The following PIGZ variants were observed in gnomAD, a reference collection of about 807,000 sequenced individuals.
The protein encoded by PIGZ is GPI alpha-1,2-mannosyltransferase 4.
In PIGZ, 16 loss-of-function variants were observed where a neutral mutation model predicts 16.4. That is an observed-to-expected ratio of 0.97 (90% CI 0.66 to 1.48). PIGZ has a LOEUF of 1.48. Ranked by LOEUF, PIGZ falls within the 40% of genes most tolerant of loss-of-function variation. PIGZ has a pLI of 0.00. For synonymous variants in PIGZ, 409 were observed against 338.4 expected (o/e 1.21, Z -2.29); for missense variants, 770 against 739.2 (o/e 1.04, Z -0.48).
chr3:196,955,640 G>T (rs1251161276), intron 1 of PIGZ, among the ~76,000 whole-genome samples: 2 of 137,522 alleles, frequency 1.5e-5, no homozygotes, highest in Admixed American at 1.6e-4. Context: ...GCAGTGGCAT[G>T]ATCTTGGCTC....
In PIGZ at chr3:196,948,593, A is replaced by T. The variant is rs1717053084; in HGVS notation, c.304T>A (p.Ser102Thr). 6.3e-7 allele frequency: 1 copy of T among 1,577,028 alleles called. No individual in the cohort carries two copies. The part of the protein sequence containing the change: ...SVLFPLLISG[S>T]TFWLLRLWEE... ...CAGAGCCTGAGCAGCCAGAAGGTGG[A>T]ACCAGAGATCAGCAGGGGGAAGAGC... Residue 102 changes from serine (S) to threonine (T), a missense_variant, in exon 3 of 3, where the codon TCC (serine) becomes ACC (threonine). Ser to Thr is a moderately conservative substitution (Grantham distance 58, BLOSUM62 1). Transcript: ENST00000412723.
chr3:196,948,412 A>C lies in PIGZ; in HGVS notation c.485T>G (p.Leu162Arg), dbSNP rs538677510. ...GACCAGGGTGACGTAGGAACCAGAC[A>C]GCAGGGCCAGGGCGTTCCAGCGATC... The part of the protein sequence containing the change: ...GADRWNALAL[L>R]SGSYVTLVFY... Residue 162 changes from leucine (L) to arginine (R), a missense_variant, in exon 3 of 3, where the codon CTG becomes CGG. Transcript: ENST00000412723. 1 of 1,614,118 alleles carries C rather than the reference A, an allele frequency of 6.2e-7. No individual in the cohort carries two copies. The highest frequency in any genetic ancestry group is 1.1e-5 in the South Asian group (1 of 91,082).
chr3:196,947,316 G>C lies in PIGZ; in HGVS notation c.1581C>G (p.Thr527=). The stretch of plus-strand genomic sequence containing the variant: ...AGCTGCACTTCTCCACGGCACGCCT[G>C]GTGGTGCCAGGGGTTACCACAAAGA... ...CRLFVVTPGT[T]RRAVEKCSFP... The change falls in exon 3 of 3, where the codon ACC becomes ACG. Residue 527 remains threonine, a synonymous_variant. Coordinates refer to ENST00000412723, the MANE Select transcript of PIGZ (RefSeq NM_025163.4). 1 of 1,614,182 alleles carries C rather than the reference G, an allele frequency of 6.2e-7. No homozygotes were observed.
intron 1 of PIGZ, among the ~76,000 whole-genome samples, chr3:196,960,698 A>G (rs1164706306): frequency 2.1e-5 from 3 of 141,598 alleles, no homozygotes; most frequent in African/African-American, 7.7e-5. Context: ...GAAAGAAAGA[A>G]AGAAGAAAGG....
chr3:196,964,440 CT>C (rs1397442369), intron 1 of PIGZ, among the ~76,000 whole-genome samples: 5 of 151,890 alleles, frequency 3.3e-5, no homozygotes, highest in African/African-American at 9.7e-5. Context: ...TCACTGCAAC[CT>C]TTGTCTCCCA....
chr3:196,962,654 CTTTACTGCACGGCAATACTG>C (rs1274055399), intron 1 of PIGZ, among the ~76,000 whole-genome samples: 1 of 117,524 alleles, frequency 8.5e-6, no homozygotes. Flanking sequence ...CAATACTGAT[CTTTACTGCACGGCAATACTG>C]ATCTTTACTG....
intron 1 of PIGZ, among the ~76,000 whole-genome samples, chr3:196,955,157 T>C (rs557247): frequency 0.8 from 122,514 of 152,250 alleles, 50,209 homozygotes; most frequent in African/African-American, 0.95. Flanking sequence ...ACCTCCTGCG[T>C]TCAAGCAATC....
At chr3:196,962,203 G>A (rs1717748228) in intron 1 of PIGZ, among the ~76,000 whole-genome samples, 1 of 152,212 alleles carries the variant, frequency 6.6e-6, no homozygotes, top group Non-Finnish European at 1.5e-5. Flanking sequence ...AACATGCGCT[G>A]TATTGACTCA....
chr3:196,947,298 C>G lies in PIGZ; in HGVS notation c.1599G>C (p.Lys533Asn), dbSNP rs373904534. The change falls in exon 3 of 3, where the codon AAG becomes AAC. Residue 533 changes from lysine to asparagine, a missense_variant. Lys to Asn is a moderately conservative substitution (Grantham distance 94, BLOSUM62 0). Coordinates refer to ENST00000412723, the MANE Select transcript of PIGZ (RefSeq NM_025163.4). ...TTTCATTCTTGAAGGGGAAGCTGCA[C>G]TTCTCCACGGCACGCCTGGTGGTGC... ...TPGTTRRAVE[K>N]CSFPFKNETL... The G allele has an allele frequency of 1.8e-5, 29 of 1,614,068 alleles. No individual in the cohort carries two copies. The highest frequency in any genetic ancestry group is 2.4e-5 in the Non-Finnish European group (28 of 1,180,028).
chr3:196,959,329 A>G (rs1717619451), intron 1 of PIGZ, among the ~76,000 whole-genome samples: 1 of 152,222 alleles, frequency 6.6e-6, no homozygotes, highest in South Asian at 2.1e-4. Context: ...ATGTCTGACC[A>G]TTCAGTGAGT....
At chr3:196,955,552 CCTTTT>C (rs199963646) in intron 1 of PIGZ, among the ~76,000 whole-genome samples, 3,452 of 88,438 alleles carry the variant, frequency 0.039, 189 homozygotes, top group African/African-American at 0.14. Context: ...CATTTTCCAG[CCTTTT>C]CTTTTCTTTT....
At position 196,948,313 on chromosome 3, in the gene PIGZ, TG is replaced by T; in HGVS notation, c.583del (p.His195MetfsTer2). The T allele has an allele frequency of 6.2e-7, 1 of 1,614,008 alleles. No homozygotes were observed. Among genetic ancestry groups the T allele is most frequent in the South Asian group, 1.1e-5 (1 of 91,076 alleles). On this transcript the variant is annotated frameshift_variant, in exon 3 of 3. Transcript: ENST00000412723. LOFTEE classifies it low-confidence loss of function (END_TRUNC). ...CTTGCGTGTAGGGCCCCACGTTACA[TG>T]GGAGGATACCAGCACCAGCAGCCAC... ...FTWLLVLVSS[H>X]VTWGPTRKEP...
Position 196,948,473 on chromosome 3 carries a change from C to A in PIGZ, c.424G>T (p.Gly142Trp), listed in dbSNP as rs767943913. ...GGCGGGGCCAGGTGGTACACGGCCC[C>A]GTCCAGAGCAAAGGAAAGGGCAGTG... ...LLTALSFALD[G>W]AVYHLAPPMG... The change falls in exon 3 of 3, where the codon GGG becomes TGG. Residue 142 changes from glycine to tryptophan, a missense_variant. Gly to Trp is a radical substitution (Grantham distance 184). Coordinates refer to ENST00000412723, the MANE Select transcript of PIGZ (RefSeq NM_025163.4). 107 of 1,613,674 alleles carry A rather than the reference C, an allele frequency of 6.6e-5. No homozygotes were observed. Among genetic ancestry groups the A allele is most frequent in the Non-Finnish European group, 8.8e-5 (104 of 1,179,910 alleles).
chr3:196,947,955 C>T lies in PIGZ; in HGVS notation c.942G>A (p.Arg314=). The change falls in exon 3 of 3, where the codon CGG becomes CGA. Residue 314 remains arginine (R), a synonymous_variant. Coordinates refer to ENST00000412723, the MANE Select transcript of PIGZ (RefSeq NM_025163.4). ...QNLARHGTHA[R]LTHLAVNGFL... ...AGCCGTTGACTGCCAGGTGAGTGAG[C>T]CGCGCGTGCGTGCCATGTCTCGCCA... 1.2e-6 allele frequency: 2 copies of T among 1,612,242 alleles called. No homozygotes were observed. Among genetic ancestry groups the T allele is most frequent in the Non-Finnish European group, 1.7e-6 (2 of 1,179,012 alleles).
At chr3:196,967,503 C>T (rs1383587477) in intron 1 of PIGZ, among the ~76,000 whole-genome samples, 1 of 152,176 alleles carries the variant, frequency 6.6e-6, no homozygotes, top group East Asian at 1.9e-4. Context: ...CGGGAAAAGC[C>T]GGGCCCCTGT....
At chr3:196,957,962 A>C (rs1291511667) in intron 1 of PIGZ, among the ~76,000 whole-genome samples, 1 of 152,224 alleles carries the variant, frequency 6.6e-6, no homozygotes, top group Non-Finnish European at 1.5e-5. Context: ...AATGGCATGC[A>C]ATATAGAGGC....
Position 196,951,961 on chromosome 3 carries a change from C to T in PIGZ, c.71G>A (p.Cys24Tyr). Reference sequence around the variant, plus strand: ...CATCTTCAGATCCAGTTGTTGCCAACACACCGGGCCCAAAACCTGGAATGA... The same window carrying T: ...CATCTTCAGATCCAGTTGTTGCCAATACACCGGGCCCAAAACCTGGAATGA... ...GTSFQVLGPVCWQQLDLKMAV... is the reference protein window; with the variant it reads ...GTSFQVLGPVYWQQLDLKMAV... The change falls in exon 2 of 3, where the codon TGT becomes TAT. Residue 24 changes from cysteine to tyrosine, a missense_variant. Physicochemically the swap from Cys to Tyr is radical, Grantham distance 194 (BLOSUM62 -2). Coordinates refer to ENST00000412723, the MANE Select transcript of PIGZ (RefSeq NM_025163.4). 1.2e-6 allele frequency: 2 copies of T among 1,614,224 alleles called. No homozygotes were observed. Among genetic ancestry groups the T allele is most frequent in the South Asian group, 1.1e-5 (1 of 91,078 alleles).
chr3:196,951,821 C>T lies in PIGZ; in HGVS notation c.211G>A (p.Glu71Lys). The T allele has an allele frequency of 6.2e-7, 1 of 1,614,108 alleles. No homozygotes were observed. ...EFFQSPEVMA[E>K]DILGVQAARP... ...CTCAGCCACACATGCGGAGTTTTAC[C>T]TGCCATCACCTCAGGGGACTGGAAG... Residue 71 changes from glutamate to lysine, a missense_variant and splice_region_variant, in exon 2 of 3, where the codon GAG becomes AAG. Coordinates refer to ENST00000412723, the MANE Select transcript of PIGZ (RefSeq NM_025163.4).
chr3:196,967,706 C>G (rs1266498327), intron 1 of PIGZ, among the ~76,000 whole-genome samples: 1 of 152,188 alleles, frequency 6.6e-6, no homozygotes, highest in Non-Finnish European at 1.5e-5. Flanking sequence ...CACCTTGAAG[C>G]ACGGGAAGAT....
Sources: gnomAD v4.1 joint callset for allele counts (sites outside exome capture counted in the v4.1 genomes callset) on GRCh38, gnomAD v4.1.1 for gene constraint, MANE v1.5 for transcripts, NCBI Gene and HGNC (gene_info 2026-07-23, HGNC 2026-07-21) for gene names.